CMIP: variants seen among roughly 807,000 people sequenced by gnomAD.
The protein encoded by CMIP is c-Maf inducing protein.
In CMIP, 13 loss-of-function variants were observed where a neutral mutation model predicts 97.3. That is an observed-to-expected ratio of 0.13 (90% CI 0.09 to 0.21). The LOEUF (loss-of-function observed/expected upper bound fraction) is 0.21. Among genes scored for constraint, CMIP ranks in the 10% least tolerant of loss-of-function variants. The pLI, the probability that CMIP is intolerant of heterozygous loss-of-function variation, is 1.00. For missense variants in CMIP, 847 were observed against 1,024.9 expected, an observed-to-expected ratio of 0.83 and a Z score of 2.37; for synonymous variants, 538 against 436.3, an observed-to-expected ratio of 1.23 and a Z score of -2.91.
At chr16:81,533,232 G>C (rs1304392584) in intron 1 of CMIP, among the ~76,000 whole-genome samples, 2 of 152,130 alleles carry the variant, frequency 1.3e-5, no homozygotes, top group African/African-American at 4.8e-5. Context: ...GGGTTTGCCT[G>C]TTTTTTCCCC....
At chr16:81,625,467 C>T (rs901444716) in intron 3 of CMIP, among the ~76,000 whole-genome samples, 1 of 152,280 alleles carries the variant, frequency 6.6e-6, no homozygotes, top group African/African-American at 2.4e-5. Context: ...GGTGACAGGC[C>T]TGTCTGCACA....
At chr16:81,489,744 C>T (rs893874821) in intron 1 of CMIP, among the ~76,000 whole-genome samples, 2 of 152,120 alleles carry the variant, frequency 1.3e-5, no homozygotes, top group African/African-American at 2.4e-5. Flanking sequence ...AGCTGATGTG[C>T]GATGTGTGCG....
At chr16:81,667,912 G>A (rs2151032414) in intron 7 of CMIP, among the ~76,000 whole-genome samples, 1 of 151,316 alleles carries the variant, frequency 6.6e-6, no homozygotes, top group Non-Finnish European at 1.5e-5. Context: ...TTATGTAGCA[G>A]GACAGTCCTA....
At position 81,652,089 on chromosome 16, in the gene CMIP, G is replaced by T. The variant is rs933799053; in HGVS notation, c.478-114G>T. Reference sequence around the variant, plus strand: ...TTATAAACGGGGACTGGGCCAAGTTGTCAGTTTCTCAGGGCCCTTTACACC... The same window carrying T: ...TTATAAACGGGGACTGGGCCAAGTTTTCAGTTTCTCAGGGCCCTTTACACC... On this transcript the variant is annotated intron_variant, in intron 3 of 20. Transcript: ENST00000537098. The surrounding 1 kb of genome is among the most constrained non-coding windows in gnomAD (Gnocchi z 5.2). 1 of 778,966 alleles carries T rather than the reference G, an allele frequency of 1.3e-6. No homozygotes were observed. Among genetic ancestry groups the T allele is most frequent in the African/African-American group, 1.7e-5 (1 of 57,618 alleles). The allele number at this position is 778,966 out of a possible 1,614,324, so 48.3% of individuals were successfully genotyped here. A position where few individuals can be genotyped will look rare whatever the true frequency, so the allele number is the denominator to read the frequency against.
chr16:81,601,580 A>G (rs932548573), intron 1 of CMIP, among the ~76,000 whole-genome samples: 1 of 152,144 alleles, frequency 6.6e-6, no homozygotes, highest in African/African-American at 2.4e-5. Flanking sequence ...ATTGTGTGCC[A>G]CTGGACAGGG....
chr16:81,553,694 C>G (rs1266023533), intron 1 of CMIP, among the ~76,000 whole-genome samples: 1 of 152,254 alleles, frequency 6.6e-6, no homozygotes, highest in African/African-American at 2.4e-5. Context: ...TTGGCCCTGC[C>G]AGATGCCATT....
At chr16:81,705,953 C>T (rs565542493) in intron 19 of CMIP, among the ~76,000 whole-genome samples, 2 of 152,316 alleles carry the variant, frequency 1.3e-5, no homozygotes, top group South Asian at 2.1e-4. Flanking sequence ...GTGGTGGCAG[C>T]GTCTTCTGGG....
At chr16:81,449,123 A>G (rs1042268928) in intron 1 of CMIP, among the ~76,000 whole-genome samples, 3 of 152,270 alleles carry the variant, frequency 2.0e-5, no homozygotes, top group African/African-American at 7.2e-5. Context: ...ACAGAAGTAC[A>G]AATAAGCTGC....
intron 1 of CMIP, among the ~76,000 whole-genome samples, chr16:81,528,159 A>C (rs1053010913): frequency 6.6e-6 from 1 of 152,192 alleles, no homozygotes; most frequent in Non-Finnish European, 1.5e-5. Context: ...TTAAGTCTGA[A>C]ATTTTTCATA....
At chr16:81,529,566 TG>T (rs1302748356) in intron 1 of CMIP, among the ~76,000 whole-genome samples, 1 of 152,002 alleles carries the variant, frequency 6.6e-6, no homozygotes, top group Non-Finnish European at 1.5e-5. Flanking sequence ...GCCTGCAGGA[TG>T]AAGAGGATTC....
rs1014214339 is a variant in CMIP, at chr16:81,666,372, A to G, written c.825+2023A>G. Reference sequence around the variant, plus strand: ...ATTTTTGCATACTCCATGTTAGTCAATAAACCGTTTCATAAGGGTTCTTTG... The same window carrying G: ...ATTTTTGCATACTCCATGTTAGTCAGTAAACCGTTTCATAAGGGTTCTTTG... On this transcript the variant is annotated intron_variant, in intron 7 of 20. Transcript: ENST00000537098. The G allele has an allele frequency of 3.9e-5, 6 of 152,318 alleles. No individual in the cohort carries two copies. The South Asian group carries it at 8.3e-4, about 21-fold the overall frequency. The allele number at this position is 152,318 out of a possible 1,614,324, so 9.4% of individuals were successfully genotyped here. A position where few individuals can be genotyped will look rare whatever the true frequency, so the allele number is the denominator to read the frequency against.
intron 10 of CMIP, among the ~76,000 whole-genome samples, chr16:81,685,682 C>T (rs1416629692): frequency 1.3e-5 from 2 of 151,240 alleles, no homozygotes; most frequent in Admixed American, 1.3e-4. Context: ...GTAGCTGGGA[C>T]TACAGGTGCA....
At chr16:81,580,364 A>G (rs1236429835) in intron 1 of CMIP, among the ~76,000 whole-genome samples, 1 of 152,086 alleles carries the variant, frequency 6.6e-6, no homozygotes, top group East Asian at 1.9e-4. Context: ...TAATTGAGAT[A>G]AATTCACCTC....
intron 1 of CMIP, among the ~76,000 whole-genome samples, chr16:81,459,159 T>C (rs1210182410): frequency 6.6e-6 from 1 of 152,166 alleles, no homozygotes; most frequent in Non-Finnish European, 1.5e-5. Flanking sequence ...TGCAGGACTG[T>C]GAGCTTGAAG....
At chr16:81,534,488 T>C (rs763578000) in intron 1 of CMIP, among the ~76,000 whole-genome samples, 6 of 152,230 alleles carry the variant, frequency 3.9e-5, no homozygotes, top group Non-Finnish European at 7.3e-5. Flanking sequence ...TTTGTTTTTC[T>C]AGTCTCTTGA....
In CMIP at chr16:81,445,470, A is replaced by T. The variant is rs1905770499; in HGVS notation, c.229A>T (p.Thr77Ser). The T allele has an allele frequency of 6.4e-7, 1 of 1,566,108 alleles. No homozygotes were observed. The highest frequency in any genetic ancestry group is 8.7e-7 in the Non-Finnish European group (1 of 1,155,666). Residue 77 changes from threonine (T) to serine (S), a missense_variant, in exon 1 of 21, where the codon ACC becomes TCC. Coordinates refer to ENST00000537098, the MANE Select transcript of CMIP (RefSeq NM_198390.3). ...GCGGACCTTTCTCAGCAAGATCCTC[A>T]CCTCGAAATTCCTGAGGCGCTGGGA... ...HPRTFLSKIL[T>S]SKFLRRWEPH... is the part of the protein sequence containing the mutation.
chr16:81,611,769 T>G (rs1333867767), intron 2 of CMIP, among the ~76,000 whole-genome samples: 1 of 152,186 alleles, frequency 6.6e-6, no homozygotes, highest in Non-Finnish European at 1.5e-5. Flanking sequence ...TTTGTAAAAC[T>G]CTTACTTTGT....
chr16:81,484,053 G>A lies in CMIP; in HGVS notation c.300+38512G>A, dbSNP rs184071467. Among the ~76,000 whole-genome samples the A allele has an allele frequency of 5.1e-3, 783 of 152,234 alleles. 22 individuals are homozygous for A. Among genetic ancestry groups the A allele is most frequent in the Admixed American group, 0.044 (667 of 15,304 alleles). The stretch of plus-strand genomic sequence containing the variant: ...TGTTAAACACCTACTGTGTCTTGGG[G>A]TTTCTGCGAGATGTGAGATTCATTG... On this transcript the variant is annotated intron_variant, in intron 1 of 20. Transcript: ENST00000537098.
intron 1 of CMIP, among the ~76,000 whole-genome samples, chr16:81,523,216 T>C (rs1460663863): frequency 6.6e-6 from 1 of 152,212 alleles, no homozygotes; most frequent in Non-Finnish European, 1.5e-5. Flanking sequence ...TACCGCGCTT[T>C]GCTTTGTGTA....
Sources: gnomAD v4.1 joint callset for allele counts (sites outside exome capture counted in the v4.1 genomes callset) on GRCh38, gnomAD v4.1.1 for gene constraint, Gnocchi (gnomAD v3.1) non-coding constraint, MANE v1.5 for transcripts, NCBI Gene and HGNC (gene_info 2026-07-23, HGNC 2026-07-21) for gene names.